The following DNAH3 variants were observed in gnomAD, a reference collection of about 807,000 sequenced individuals.
DNAH3 encodes the protein axonemal beta dynein heavy chain 3.
In DNAH3, 332 loss-of-function variants were observed where a neutral mutation model predicts 432.5. The observed-to-expected ratio is 0.77, with a 90% CI of 0.70 to 0.84. The LOEUF (loss-of-function observed/expected upper bound fraction) is 0.84. Among genes scored for constraint, DNAH3 ranks in the 40% least tolerant of loss-of-function variants. The pLI is 0.00. For missense variants in DNAH3, 4,861 were observed against 5,114.0 expected, an observed-to-expected ratio of 0.95 and a Z score of 1.51; for synonymous variants, 1,956 against 1,900.2, an observed-to-expected ratio of 1.03 and a Z score of -0.76.
chr16:21,065,257 T>G (rs1597287400), intron 24 of DNAH3, among the ~76,000 whole-genome samples: 1 of 151,558 alleles, frequency 6.6e-6, no homozygotes, highest in Non-Finnish European at 1.5e-5. Flanking sequence ...GCCTCCCGGG[T>G]TCAAGCAATT....
intron 59 of DNAH3, among the ~76,000 whole-genome samples, chr16:20,939,568 C>T (rs1301640189): frequency 5.3e-5 from 8 of 150,382 alleles, no homozygotes; most frequent in East Asian, 3.9e-4. Flanking sequence ...GCCGAGATCG[C>T]GCCACTGCAC....
chr16:20,986,194 T>C (rs1031836596), intron 47 of DNAH3, among the ~76,000 whole-genome samples: 1 of 151,604 alleles, frequency 6.6e-6, no homozygotes, highest in African/African-American at 2.4e-5. Context: ...GTGGATTTCA[T>C]GCTTGTAAAG....
At chr16:21,113,446 A>C (rs543187168) in intron 12 of DNAH3, among the ~76,000 whole-genome samples, 2 of 146,822 alleles carry the variant, frequency 1.4e-5, no homozygotes, top group South Asian at 4.4e-4. Flanking sequence ...TAACCATCAC[A>C]GTTGTCTTTA....
At chr16:21,090,408 A>G (rs2091497415) in intron 18 of DNAH3, among the ~76,000 whole-genome samples, 1 of 151,856 alleles carries the variant, frequency 6.6e-6, no homozygotes, top group Non-Finnish European at 1.5e-5. Context: ...AGTATCTCTC[A>G]CAGACACTAA....
intron 55 of DNAH3, among the ~76,000 whole-genome samples, chr16:20,952,885 G>T (rs950221469): frequency 6.6e-6 from 1 of 152,170 alleles, no homozygotes; most frequent in Non-Finnish European, 1.5e-5. Context: ...CCGCGGCATG[G>T]CTAGACAGCA....
chr16:20,971,100 T>G (rs1158559418), intron 51 of DNAH3, among the ~76,000 whole-genome samples: 1 of 152,066 alleles, frequency 6.6e-6, no homozygotes, highest in Admixed American at 6.6e-5. Flanking sequence ...ACTCCTGACC[T>G]CAAGTGATCC....
At chr16:21,009,916 G>A (rs200739205) in intron 41 of DNAH3, among the ~76,000 whole-genome samples, 29 of 112,766 alleles carry the variant, frequency 2.6e-4, no homozygotes, top group South Asian at 1.8e-3. Context: ...AGGAGAGGAG[G>A]GGAGGGGAGG....
exon 18 of DNAH3, chr16:21,097,381 C>T: frequency 1.2e-6 from 2 of 1,613,980 alleles, no homozygotes; most frequent in Non-Finnish European, 1.7e-6. Flanking sequence ...TGACTTGATG[C>T]TGAACTCATA....
At position 21,040,080 on chromosome 16, in the gene DNAH3, G is replaced by A. The variant is rs368497828; in HGVS notation, c.4639-137C>T. 1.5e-5 allele frequency: 11 copies of A among 739,830 alleles called. No homozygotes were observed. In the African/African-American group the frequency reaches 1.6e-4, roughly 11 times the overall value. 45.8% of individuals were successfully genotyped at this position (739,830 alleles called of 1,614,324 possible). ...ACAATAAAGGCAAGAAGGACTGGGG[G>A]ACAAGTGAGTGCAGATGGACCATCC... is the stretch of plus-strand genomic sequence containing the variant. On this transcript the variant is annotated intron_variant, in intron 32 of 61. Transcript: ENST00000261383.
intron 18 of DNAH3, among the ~76,000 whole-genome samples, chr16:21,087,494 G>C (rs568093228): frequency 3.5e-3 from 537 of 151,678 alleles, no homozygotes; most frequent in African/African-American, 0.013. Flanking sequence ...GACCAGCCTG[G>C]GCAACATAGT....
Position 20,944,675 on chromosome 16 carries a change from ATCT to A in DNAH3, c.11344-15_11344-13del, listed in dbSNP as rs1307616375. 6 of 1,613,886 alleles carry A rather than the reference ATCT, an allele frequency of 3.7e-6. No homozygotes were observed. The highest frequency in any genetic ancestry group is 5.1e-6 in the Non-Finnish European group (6 of 1,179,912). On this transcript the variant is annotated splice_polypyrimidine_tract_variant and intron_variant, in intron 57 of 61. Coordinates refer to ENST00000261383, the Ensembl canonical transcript of DNAH3. ...TAGTCGATATAGGACTGGAAGGGAAATCTTCAGTTGAAATCAACGAGGGACCCC... is the reference window on the plus strand; with the variant it reads ...TAGTCGATATAGGACTGGAAGGGAAATCAGTTGAAATCAACGAGGGACCCC...
At chr16:21,098,532 A>AT in intron 17 of DNAH3, 84 bp downstream of exon 17, 1 of 1,420,472 alleles carries the variant, frequency 7.0e-7, no homozygotes, top group Non-Finnish European at 9.5e-7. Context: ...AGTAGATGCT[A>AT]TTAGGAAATA....
intron 8 of DNAH3, among the ~76,000 whole-genome samples, chr16:21,126,001 C>A (rs563214259): frequency 6.6e-6 from 1 of 152,140 alleles, no homozygotes; most frequent in African/African-American, 2.4e-5. Flanking sequence ...AACAAACAAA[C>A]AAAAATTAGC....
Position 21,075,428 on chromosome 16 carries a change from C to T in DNAH3, c.3084+19G>A, listed in dbSNP as rs549542965. On this transcript the variant is annotated intron_variant, in intron 21 of 61. Transcript: ENST00000261383. ...ATGGGGCTGCTTTCAAAAGGGGCTG[C>T]GGTTGCAGTGAGACTCACAGTGTCC... The T allele has an allele frequency of 1.8e-5, 27 of 1,542,804 alleles. No individual in the cohort carries two copies. The highest frequency in any genetic ancestry group is 4.5e-5 in the South Asian group (4 of 89,660).
At chr16:21,122,154 T>TA in intron 9 of DNAH3, 30 bp from the exon 11 acceptor site, 1 of 1,573,540 alleles carries the variant, frequency 6.4e-7, no homozygotes, top group Non-Finnish European at 8.6e-7. Context: ...GGGCAAGCGT[T>TA]ACAAAATTGG....
At chr16:21,152,589 G>C (rs912710151) in intron 1 of DNAH3, among the ~76,000 whole-genome samples, 8 of 152,262 alleles carry the variant, frequency 5.3e-5, no homozygotes, top group Admixed American at 4.6e-4. Context: ...TTGCAGGCAG[G>C]TGTGGAGGGA....
In DNAH3 at chr16:20,997,312, G is replaced by A. The variant is rs762593673; in HGVS notation, c.6572C>T (p.Pro2191Leu). 27 of 1,614,052 alleles carry A rather than the reference G, an allele frequency of 1.7e-5. No individual in the cohort carries two copies. The East Asian group carries it at 4.9e-4, about 29-fold the overall frequency. ...AATGTCATTCCTTCCTCCCCCGGGGGGCCCCATGGCTGTCACGAGCAGCAT... is the reference window on the plus strand; with the variant it reads ...AATGTCATTCCTTCCTCCCCCGGGGAGCCCCATGGCTGTCACGAGCAGCAT... Residue 2191 changes from proline (P) to leucine (L), a missense_variant, in exon 44 of 62, where the codon CCC (proline) becomes CTC (leucine). Physicochemically the swap from Pro to Leu is moderately conservative, Grantham distance 98. Transcript: ENST00000261383.
At chr16:21,119,587 GA>G (rs916769605) in intron 11 of DNAH3, among the ~76,000 whole-genome samples, 281 of 144,730 alleles carry the variant, frequency 1.9e-3, no homozygotes, top group African/African-American at 6.6e-3. Flanking sequence ...GGCTCAAGCA[GA>G]AAAAAAAAAA....
At chr16:20,985,489 C>T in exon 48 of DNAH3, 3 of 1,614,186 alleles carry the variant, frequency 1.9e-6, no homozygotes, top group Non-Finnish European at 1.7e-6. Flanking sequence ...ACGGCAGATC[C>T]TAGAGATGTG....
Sources: allele counts gnomAD v4.1 joint callset (sites outside exome capture counted in the v4.1 genomes callset), GRCh38; gene constraint gnomAD v4.1.1; transcripts MANE v1.5; gene names NCBI Gene and HGNC (gene_info 2026-07-23, HGNC 2026-07-21).